The following MAGI1 variants were observed in gnomAD, a reference collection of about 807,000 sequenced individuals.
MAGI1 encodes membrane-associated guanylate kinase, WW and PDZ domain-containing protein 1.
In MAGI1, 58 loss-of-function variants were observed where a neutral mutation model predicts 139.9. That is an observed-to-expected ratio of 0.41 (90% CI 0.34 to 0.52). The LOEUF (loss-of-function observed/expected upper bound fraction) is 0.52. Among genes scored for constraint, MAGI1 ranks in the 20% least tolerant of loss-of-function variants. The pLI is 0.12. For missense variants in MAGI1, 1,874 were observed against 1,901.6 expected (o/e 0.99, Z 0.27); for synonymous variants, 812 against 737.9 (o/e 1.10, Z -1.63).
rs192745098 is a variant in MAGI1 at position 65,919,160 on chromosome 3, T to G, written c.313+118836A>C. 1.6e-3 allele frequency among the ~76,000 whole-genome samples: 241 copies of G among 152,280 alleles called. 2 individuals carry two copies. Among genetic ancestry groups the G allele is most frequent in the African/African-American group, 5.4e-3 (224 of 41,546 alleles). ...TTCCTTTGGAGAACACTAAACTAAT[T>G]TCATTGAATTTGAGGGAGCTTTCCC... On this transcript the variant is annotated intron_variant, in intron 1 of 22. Transcript: ENST00000402939.
chr3:65,624,633 G>T (rs989913993), intron 1 of MAGI1, among the ~76,000 whole-genome samples: 2 of 152,160 alleles, frequency 1.3e-5, no homozygotes, highest in Non-Finnish European at 2.9e-5. Context: ...ACAGAGAGCG[G>T]AAGGTAGGCA....
At chr3:65,482,963 T>A (rs906634622) in intron 3 of MAGI1, among the ~76,000 whole-genome samples, 1 of 152,200 alleles carries the variant, frequency 6.6e-6, no homozygotes, top group Non-Finnish European at 1.5e-5. Flanking sequence ...TTGCTCCTCC[T>A]CTTGGTTTTG....
At chr3:65,923,752 G>A (rs1167387067) in intron 1 of MAGI1, among the ~76,000 whole-genome samples, 1 of 152,102 alleles carries the variant, frequency 6.6e-6, no homozygotes, top group Non-Finnish European at 1.5e-5. Flanking sequence ...ACATACAGCT[G>A]TACAGGGGGT....
At chr3:65,555,064 T>C (rs988604801) in intron 2 of MAGI1, among the ~76,000 whole-genome samples, 7 of 152,314 alleles carry the variant, frequency 4.6e-5, no homozygotes, top group South Asian at 2.1e-4. Context: ...ATGTCAACAT[T>C]AGGGAAAGCT....
At chr3:66,029,546 C>A (rs548260233) in intron 1 of MAGI1, among the ~76,000 whole-genome samples, 2 of 152,150 alleles carry the variant, frequency 1.3e-5, no homozygotes, top group East Asian at 1.9e-4. Context: ...GCCAGAAGAA[C>A]CTCTCAGTCT....
At chr3:65,628,933 G>T (rs1423452717) in intron 1 of MAGI1, among the ~76,000 whole-genome samples, 1 of 151,804 alleles carries the variant, frequency 6.6e-6, no homozygotes, top group Non-Finnish European at 1.5e-5. Flanking sequence ...TTCCTATTAG[G>T]TTATCTAGTT....
At chr3:65,715,481 C>G (rs187872821) in intron 1 of MAGI1, among the ~76,000 whole-genome samples, 7 of 152,236 alleles carry the variant, frequency 4.6e-5, no homozygotes, top group Non-Finnish European at 7.4e-5. Context: ...TTTGGAAATT[C>G]CAGTTGGACC....
At chr3:65,393,257 T>C (rs1033644663) in intron 13 of MAGI1, among the ~76,000 whole-genome samples, 2 of 152,184 alleles carry the variant, frequency 1.3e-5, no homozygotes, top group African/African-American at 4.8e-5. Flanking sequence ...AGTTGCTTTT[T>C]TTCCCCCCCT....
intron 2 of MAGI1, among the ~76,000 whole-genome samples, chr3:65,598,247 C>T (rs1263283375): frequency 6.6e-6 from 1 of 152,132 alleles, no homozygotes; most frequent in Non-Finnish European, 1.5e-5. Flanking sequence ...ACTGAGCGAG[C>T]CTCTCCCTGC....
At chr3:65,911,864 T>G (rs1416681263) in intron 1 of MAGI1, among the ~76,000 whole-genome samples, 2 of 152,242 alleles carry the variant, frequency 1.3e-5, no homozygotes, top group East Asian at 3.9e-4. Flanking sequence ...CTGTGCTTAG[T>G]GGCTTCCTGT....
In MAGI1 at chr3:65,900,377, T is replaced by C. The variant is rs187223440; in HGVS notation, c.313+137619A>G. Among the ~76,000 whole-genome samples, 34 of 152,288 alleles carry C rather than the reference T, an allele frequency of 2.2e-4. No homozygotes were observed. In the East Asian group the frequency reaches 6.4e-3, roughly 29 times the overall value. On this transcript the variant is annotated intron_variant, in intron 1 of 22. Transcript: ENST00000402939. Reference sequence around the variant, plus strand: ...GTAGACAGAAAACACAGTGTTATAATTGGGAAGAGGTGATAAAGGTGTGAG... The same window carrying C: ...GTAGACAGAAAACACAGTGTTATAACTGGGAAGAGGTGATAAAGGTGTGAG...
At chr3:65,782,310 G>T (rs1313111317) in intron 1 of MAGI1, among the ~76,000 whole-genome samples, 4 of 152,116 alleles carry the variant, frequency 2.6e-5, no homozygotes, top group Non-Finnish European at 5.9e-5. Flanking sequence ...ATACAACGTT[G>T]CTAGCAGGCT....
intron 16 of MAGI1, chr3:65,380,845 G>A (rs1942990769): frequency 6.6e-6 from 1 of 152,008 alleles, no homozygotes; most frequent in Non-Finnish European, 1.5e-5. Flanking sequence ...ATGTTAAGAA[G>A]GATTGTGAGG....
At chr3:66,005,335 T>C (rs998579201) in intron 1 of MAGI1, among the ~76,000 whole-genome samples, 1 of 152,202 alleles carries the variant, frequency 6.6e-6, no homozygotes, top group Non-Finnish European at 1.5e-5. Context: ...GGCCCATATC[T>C]TGATTTTCTT....
chr3:65,493,713 C>G, intron 2 of MAGI1, 82 bp from the exon 3 acceptor site: 1 of 1,546,476 alleles, frequency 6.5e-7, no homozygotes, highest in Non-Finnish European at 8.8e-7. Flanking sequence ...ATTAAAATAA[C>G]CTGTTCAGTA....
intron 10 of MAGI1, among the ~76,000 whole-genome samples, chr3:65,435,303 A>C (rs1947755676): frequency 6.6e-6 from 1 of 150,946 alleles, no homozygotes; most frequent in African/African-American, 2.5e-5. Context: ...GTTAAAGAAA[A>C]GTAAGAATCT....
intron 13 of MAGI1, among the ~76,000 whole-genome samples, chr3:65,399,068 A>G (rs184543505): frequency 6.4e-4 from 98 of 152,254 alleles, no homozygotes; most frequent in African/African-American, 2.3e-3. Flanking sequence ...CATTGTCAGG[A>G]GCCTCTAATA....
chr3:65,771,617 G>A (rs1559866843), intron 1 of MAGI1, among the ~76,000 whole-genome samples: 1 of 152,178 alleles, frequency 6.6e-6, no homozygotes, highest in Non-Finnish European at 1.5e-5. Context: ...ATAGTTATTT[G>A]CTATTTAGCT....
At chr3:65,978,621 CTTTTTTTT>C (rs373662388) in intron 1 of MAGI1, among the ~76,000 whole-genome samples, 1 of 129,172 alleles carries the variant, frequency 7.7e-6, no homozygotes, top group Non-Finnish European at 1.6e-5. Flanking sequence ...CTCAAAATTT[CTTTTTTTT>C]TTTTTTTTTT....
Sources: gnomAD v4.1 joint callset for allele counts (sites outside exome capture counted in the v4.1 genomes callset) on GRCh38, gnomAD v4.1.1 for gene constraint, MANE v1.5 for transcripts, NCBI Gene and HGNC (gene_info 2026-07-23, HGNC 2026-07-21) for gene names.